LRMDA: variants seen among roughly 807,000 people sequenced by gnomAD.
LRMDA encodes leucine rich melanocyte differentiation associated.
Under a neutral mutation model 29.8 loss-of-function variants are expected in LRMDA, and 18 were observed. That is an observed-to-expected ratio of 0.60 (90% CI 0.42 to 0.90). LRMDA has a LOEUF of 0.90. Among genes scored for constraint, LRMDA ranks in the 40% least tolerant of loss-of-function variants. The probability of loss-of-function intolerance (pLI) is 0.00; values close to 1 mark genes in which losing one functional copy is unlikely to be tolerated. For missense variants in LRMDA, 273 were observed against 273.9 expected, an observed-to-expected ratio of 1.00 and a Z score of 0.02; for synonymous variants, 125 against 109.4, an observed-to-expected ratio of 1.14 and a Z score of -0.89.
Position 76,386,156 on chromosome 10 carries a change from T to C in LRMDA, c.601+61671T>C, listed in dbSNP as rs963997818. Among the ~76,000 whole-genome samples the C allele has an allele frequency of 1.6e-4, 25 of 152,236 alleles. 1 individual carries two copies. The highest frequency in any genetic ancestry group is 6.5e-5 in the Admixed American group (1 of 15,282). Reference sequence around the variant, plus strand: ...ATTATTACAAGTGTTTGTTTATGTGTTAATCTCTCCTAAACTTGACAAGGA... The same window carrying C: ...ATTATTACAAGTGTTTGTTTATGTGCTAATCTCTCCTAAACTTGACAAGGA... On this transcript the variant is annotated intron_variant, in intron 6 of 6. Transcript: ENST00000611255.
Position 75,992,098 on chromosome 10 carries a change from T to C in LRMDA, c.132-43910T>C, listed in dbSNP as rs536290682. Among the ~76,000 whole-genome samples, 231 of 152,262 alleles carry C rather than the reference T, an allele frequency of 1.5e-3. 1 individual carries two copies. Among genetic ancestry groups the C allele is most frequent in the African/African-American group, 5.2e-3 (216 of 41,542 alleles). On this transcript the variant is annotated intron_variant, in intron 2 of 6. Coordinates refer to ENST00000611255, the MANE Select transcript of LRMDA (RefSeq NM_001305581.2). ...TTGTTTTCTCATTTAATTACAACAA[T>C]CTTATCAGTGGGTGACAATCTCTTC...
intron 2 of LRMDA, among the ~76,000 whole-genome samples, chr10:75,661,047 G>A (rs1564533588): frequency 6.6e-6 from 1 of 152,090 alleles, no homozygotes; most frequent in African/African-American, 2.4e-5. Flanking sequence ...CACACCTCAC[G>A]CCAGTCCCAG....
chr10:75,444,092 G>A (rs1370213555), intron 2 of LRMDA, among the ~76,000 whole-genome samples: 1 of 152,130 alleles, frequency 6.6e-6, no homozygotes. Flanking sequence ...TGGAAAGGAG[G>A]GTAGTTATGA....
intron 6 of LRMDA, among the ~76,000 whole-genome samples, chr10:76,422,888 T>A (rs1383681196): frequency 6.6e-6 from 1 of 152,180 alleles, no homozygotes; most frequent in Non-Finnish European, 1.5e-5. Context: ...GCAATTTACT[T>A]CCTCATGAAA....
chr10:76,430,819 C>A (rs1170414346), intron 6 of LRMDA, among the ~76,000 whole-genome samples: 4 of 152,154 alleles, frequency 2.6e-5, no homozygotes, highest in African/African-American at 9.7e-5. Flanking sequence ...GTGATTTCAA[C>A]CTCCTAATTG....
chr10:75,533,991 G>A (rs955613360), intron 2 of LRMDA, among the ~76,000 whole-genome samples: 16 of 152,200 alleles, frequency 1.1e-4, no homozygotes, highest in African/African-American at 1.7e-4. Flanking sequence ...TTAGGGTAGC[G>A]TTCGGGGCAG....
At chr10:76,443,606 G>T (rs1842325701) in intron 6 of LRMDA, among the ~76,000 whole-genome samples, 1 of 152,170 alleles carries the variant, frequency 6.6e-6, no homozygotes, top group African/African-American at 2.4e-5. Context: ...TATCAATACA[G>T]CATAGTGTAG....
At chr10:75,558,594 A>G (rs1564800227) in intron 2 of LRMDA, among the ~76,000 whole-genome samples, 2 of 150,698 alleles carry the variant, frequency 1.3e-5, no homozygotes, top group South Asian at 2.1e-4. Context: ...GGTTAGTTAC[A>G]TATGTATACA....
rs149808393 is a variant in LRMDA at position 75,713,610 on chromosome 10, G to A, written c.131+275116G>A. 5.1e-3 allele frequency among the ~76,000 whole-genome samples: 771 copies of A among 152,304 alleles called. 11 individuals are homozygous for A. The highest frequency in any genetic ancestry group is 0.034 in the South Asian group (165 of 4,828). Reference sequence around the variant, plus strand: ...TGAATAGGGAACTTATCCCAGGTTAGTACCATTTAAACTTAAGTGTGGTGG... The same window carrying A: ...TGAATAGGGAACTTATCCCAGGTTAATACCATTTAAACTTAAGTGTGGTGG... On this transcript the variant is annotated intron_variant, in intron 2 of 6. Coordinates refer to ENST00000611255, the MANE Select transcript of LRMDA (RefSeq NM_001305581.2).
chr10:76,244,753 TA>T (rs1852344021), intron 5 of LRMDA, among the ~76,000 whole-genome samples: 1 of 152,190 alleles, frequency 6.6e-6, no homozygotes, highest in African/African-American at 2.4e-5. Context: ...TCATTGATTT[TA>T]GGCCTAGAAA....
At chr10:76,309,511 T>A (rs1171783782) in intron 5 of LRMDA, among the ~76,000 whole-genome samples, 1 of 152,042 alleles carries the variant, frequency 6.6e-6, no homozygotes, top group Non-Finnish European at 1.5e-5. Flanking sequence ...AAAAAAGGCA[T>A]TTAGGATATT....
At chr10:75,722,671 G>A (rs905689151) in intron 2 of LRMDA, among the ~76,000 whole-genome samples, 1 of 152,102 alleles carries the variant, frequency 6.6e-6, no homozygotes, top group African/African-American at 2.4e-5. Context: ...ATCTGTTTTG[G>A]GGTCAGTTAA....
intron 2 of LRMDA, among the ~76,000 whole-genome samples, chr10:75,546,596 T>C (rs1319700508): frequency 2.0e-5 from 3 of 152,202 alleles, no homozygotes; most frequent in African/African-American, 7.2e-5. Flanking sequence ...TAATAAAATC[T>C]TTTTAATGGT....
At chr10:76,025,074 A>G (rs762022347) in intron 2 of LRMDA, among the ~76,000 whole-genome samples, 7 of 152,006 alleles carry the variant, frequency 4.6e-5, no homozygotes, top group Non-Finnish European at 8.8e-5. Flanking sequence ...TTAAAAACAA[A>G]CAAGATCCCG....
At chr10:75,719,254 A>G (rs1842538006) in intron 2 of LRMDA, among the ~76,000 whole-genome samples, 1 of 152,244 alleles carries the variant, frequency 6.6e-6, no homozygotes, top group Admixed American at 6.5e-5. Context: ...CCATAGCAGT[A>G]ACAATGATTG....
intron 6 of LRMDA, among the ~76,000 whole-genome samples, chr10:76,493,251 G>C (rs771906970): frequency 5.9e-5 from 9 of 151,926 alleles, no homozygotes; most frequent in Non-Finnish European, 8.8e-5. Context: ...CCCTTTCCAC[G>C]GGTAGATGAG....
At chr10:76,132,449 A>G (rs1850009853) in intron 5 of LRMDA, among the ~76,000 whole-genome samples, 2 of 152,262 alleles carry the variant, frequency 1.3e-5, no homozygotes, top group South Asian at 2.1e-4. Flanking sequence ...AACATTTTTT[A>G]TTACATCATA....
intron 5 of LRMDA, among the ~76,000 whole-genome samples, chr10:76,085,457 A>G (rs1849118428): frequency 6.6e-6 from 1 of 152,172 alleles, no homozygotes; most frequent in East Asian, 1.9e-4. Flanking sequence ...AGCAGCTGGG[A>G]GGAGAAAGCC....
chr10:75,621,646 G>C (rs1841187905), intron 2 of LRMDA, among the ~76,000 whole-genome samples: 1 of 152,154 alleles, frequency 6.6e-6, no homozygotes. Context: ...GGAGCAAGAG[G>C]GGGAGGCCTA....
Sources: gnomAD v4.1 joint callset for allele counts (sites outside exome capture counted in the v4.1 genomes callset) on GRCh38, gnomAD v4.1.1 for gene constraint, MANE v1.5 for transcripts, NCBI Gene and HGNC (gene_info 2026-07-23, HGNC 2026-07-21) for gene names.